The following NEK7 variants were observed in gnomAD, a reference collection of about 807,000 sequenced individuals.
NEK7 encodes the protein serine/threonine-protein kinase Nek7.
Under a neutral mutation model 44.6 loss-of-function variants are expected in NEK7, and 18 were observed. The observed-to-expected ratio is 0.40, with a 90% CI of 0.28 to 0.60. The LOEUF (loss-of-function observed/expected upper bound fraction) is 0.60, where lower values mean the gene tolerates loss of function less well. Ranked by LOEUF, NEK7 falls within the 20% of genes least tolerant of loss-of-function variation. The probability of loss-of-function intolerance (pLI) is 0.38; values close to 1 mark genes in which losing one functional copy is unlikely to be tolerated. For missense variants in NEK7, 256 were observed against 366.5 expected (o/e 0.70, Z 2.46); for synonymous variants, 130 against 121.1 (o/e 1.07, Z -0.48).
At chr1:198,235,908 T>TA (rs1300549763) in intron 2 of NEK7, among the ~76,000 whole-genome samples, 2 of 152,198 alleles carry the variant, frequency 1.3e-5, no homozygotes, top group African/African-American at 4.8e-5. Context: ...TCCTTATTCT[T>TA]ACAGTGTGGA....
rs370944444 is a variant in NEK7 at position 198,264,272 on chromosome 1, G to GT, written c.372+46dup. 5.0e-3 allele frequency: 6,984 copies of GT among 1,397,938 alleles called. 5 individuals are homozygous for GT. The highest frequency in any genetic ancestry group is 9.0e-3 in the South Asian group (695 of 77,430). 86.6% of individuals were successfully genotyped at this position (1,397,938 alleles called of 1,614,324 possible). ...AAAAATTGTCTTAATGTTTTGTTTT[G>GT]TTTTTTTTTCTAATAGAATTGTCTG... On this transcript the variant is annotated intron_variant, in intron 5 of 9. Transcript: ENST00000367385.
chr1:198,261,565 C>T (rs1418892349), intron 3 of NEK7, among the ~76,000 whole-genome samples: 1 of 151,902 alleles, frequency 6.6e-6, no homozygotes, highest in Non-Finnish European at 1.5e-5. Flanking sequence ...CTGGCTGAAT[C>T]AGGAAGACTT....
intron 1 of NEK7, among the ~76,000 whole-genome samples, chr1:198,159,935 C>G (rs1664050446): frequency 6.6e-6 from 1 of 152,194 alleles, no homozygotes; most frequent in Admixed American, 6.5e-5. Context: ...TCATAAGGAC[C>G]TCATGCCCCA....
intron 5 of NEK7, among the ~76,000 whole-genome samples, chr1:198,266,630 A>C (rs1357599674): frequency 6.6e-6 from 1 of 152,078 alleles, no homozygotes; most frequent in Admixed American, 6.6e-5. Context: ...TAGTTATTTA[A>C]TCTTAATGAT....
chr1:198,278,144 C>CTA (rs1292641982), intron 6 of NEK7, 75 bp downstream of exon 6: 1 of 792,382 alleles, frequency 1.3e-6, no homozygotes, highest in African/African-American at 1.8e-5. Flanking sequence ...GTCTTCAAGT[C>CTA]AGTACATAAT....
intron 9 of NEK7, 145 bp from the exon 10 acceptor site, chr1:198,319,265 CTT>C (rs1655467061): frequency 1.1e-5 from 6 of 565,468 alleles, no homozygotes; most frequent in South Asian, 2.3e-5. Flanking sequence ...TGGCAGCAGT[CTT>C]ATATATATTT....
intron 9 of NEK7, among the ~76,000 whole-genome samples, chr1:198,298,026 A>G (rs1654764400): frequency 6.6e-6 from 1 of 152,130 alleles, no homozygotes; most frequent in South Asian, 2.1e-4. Flanking sequence ...ACGAATATTT[A>G]AGGAGGATGT....
At chr1:198,166,313 G>A (rs1260873231) in intron 1 of NEK7, among the ~76,000 whole-genome samples, 1 of 152,192 alleles carries the variant, frequency 6.6e-6, no homozygotes, top group Non-Finnish European at 1.5e-5. Context: ...CCGAGCTTCA[G>A]CAACCACTGA....
chr1:198,248,201 C>CT (rs1450185963), intron 2 of NEK7, among the ~76,000 whole-genome samples: 6 of 152,004 alleles, frequency 3.9e-5, no homozygotes, highest in Admixed American at 6.6e-5. Flanking sequence ...TTTAAATAGG[C>CT]TTTTTTTGTT....
chr1:198,206,090 T>C (rs1210094552), intron 1 of NEK7, among the ~76,000 whole-genome samples: 1 of 152,170 alleles, frequency 6.6e-6, no homozygotes, highest in African/African-American at 2.4e-5. Flanking sequence ...TTTGAAGACA[T>C]CATGTTTTTG....
At chr1:198,180,535 CA>C (rs1443822003) in intron 1 of NEK7, among the ~76,000 whole-genome samples, 1 of 152,018 alleles carries the variant, frequency 6.6e-6, no homozygotes, top group African/African-American at 2.4e-5. Flanking sequence ...GTGATAGAGA[CA>C]GGGCTAGAAT....
chr1:198,228,007 A>G (rs1195702191), intron 1 of NEK7, among the ~76,000 whole-genome samples: 4 of 152,204 alleles, frequency 2.6e-5, no homozygotes, highest in Non-Finnish European at 5.9e-5. Flanking sequence ...TTCAGGTCTA[A>G]CATTTAAGTC....
chr1:198,197,875 C>T (rs1665289253), intron 1 of NEK7: 6 of 1,011,128 alleles, frequency 5.9e-6, no homozygotes, highest in Non-Finnish European at 7.8e-6. Context: ...TCATCTGCAT[C>T]TTCTTGTCCT....
At chr1:198,257,891 G>A (rs2102937956) in intron 3 of NEK7, among the ~76,000 whole-genome samples, 1 of 152,300 alleles carries the variant, frequency 6.6e-6, no homozygotes, top group Admixed American at 6.5e-5. Context: ...TGACAATAGG[G>A]ACACAATAGT....
At chr1:198,290,918 GT>G (rs949179230) in intron 7 of NEK7, among the ~76,000 whole-genome samples, 70 of 152,162 alleles carry the variant, frequency 4.6e-4, no homozygotes, top group African/African-American at 1.6e-3. Flanking sequence ...AAGGATTTTT[GT>G]ACATTAACAT....
At chr1:198,314,846 C>A (rs556502437) in intron 9 of NEK7, among the ~76,000 whole-genome samples, 4 of 152,308 alleles carry the variant, frequency 2.6e-5, no homozygotes, top group Non-Finnish European at 4.4e-5. Context: ...AGCTGTCAGA[C>A]AGGGACATTT....
chr1:198,253,460 T>G (rs765903074), intron 3 of NEK7, among the ~76,000 whole-genome samples: 6 of 152,116 alleles, frequency 3.9e-5, no homozygotes, highest in African/African-American at 9.7e-5. Flanking sequence ...CACCATTACT[T>G]CTACCTGGAC....
At chr1:198,310,744 G>T (rs1239752946) in intron 9 of NEK7, among the ~76,000 whole-genome samples, 1 of 152,078 alleles carries the variant, frequency 6.6e-6, no homozygotes, top group Non-Finnish European at 1.5e-5. Flanking sequence ...TCAAAGATCA[G>T]ATGTAGATAC....
chr1:198,163,716 A>G (rs1287482717), intron 1 of NEK7, among the ~76,000 whole-genome samples: 9 of 152,122 alleles, frequency 5.9e-5, no homozygotes, highest in Admixed American at 5.9e-4. Flanking sequence ...CTTATTTTTC[A>G]TGGCAACCTA....
Sources: allele counts gnomAD v4.1 joint callset (sites outside exome capture counted in the v4.1 genomes callset), GRCh38; gene constraint gnomAD v4.1.1; transcripts MANE v1.5; gene names NCBI Gene and HGNC (gene_info 2026-07-23, HGNC 2026-07-21).